The following MIB2 variants were observed in gnomAD, a reference collection of about 807,000 sequenced individuals.
MIB2 encodes E3 ubiquitin-protein ligase MIB2.
In MIB2, 78 loss-of-function variants were observed where a neutral mutation model predicts 96.6. The ratio of observed to expected loss-of-function variants is 0.81; its 90% CI spans 0.67 to 0.97. MIB2 has a LOEUF of 0.97. MIB2 is among the 50% of genes least tolerant of loss of function. The pLI is 0.00. For missense variants in MIB2, 1,543 were observed against 1,424.0 expected (o/e 1.08, Z -1.35); for synonymous variants, 820 against 629.5 (o/e 1.30, Z -4.53).
Position 1,625,853 on chromosome 1 carries a change from G to T in MIB2, c.972+200G>T, listed in dbSNP as rs1644709480. Reference sequence around the variant, plus strand: ...GGGGTTGGGTGTGAAGGAACCCAGAGGAGGGTATGTCTCTGGGAGCTGGAA... The same window carrying T: ...GGGGTTGGGTGTGAAGGAACCCAGATGAGGGTATGTCTCTGGGAGCTGGAA... On this transcript the variant is annotated intron_variant, in intron 8 of 19. Coordinates refer to ENST00000355826, the MANE Select transcript of MIB2 (RefSeq NM_001170687.4). The surrounding 1 kb of genome is among the most constrained non-coding windows in gnomAD (Gnocchi z 5.0). 1.7e-6 allele frequency: 1 copy of T among 592,936 alleles called. No individual in the cohort carries two copies. The highest frequency in any genetic ancestry group is 2.9e-5 in the Admixed American group (1 of 34,050). The allele number at this position is 592,936 out of a possible 1,614,324, so 36.7% of individuals were successfully genotyped here.
intron 16 of MIB2, 110 bp from the exon 17 acceptor site, chr1:1,629,023 T>A: frequency 8.3e-7 from 1 of 1,207,014 alleles, no homozygotes; most frequent in Non-Finnish European, 1.1e-6. Flanking sequence ...TGCCCTTGCC[T>A]TGTATTTTAG....
At position 1,629,180 on chromosome 1, in the gene MIB2, G is replaced by C. The variant is rs765388187; in HGVS notation, c.2250G>C (p.Ala750=). 1.3e-3 allele frequency: 1,918 copies of C among 1,507,602 alleles called. No homozygotes were observed. The highest frequency in any genetic ancestry group is 1.6e-3 in the Non-Finnish European group (1,831 of 1,136,266). 93.4% of individuals were successfully genotyped at this position (1,507,602 alleles called of 1,614,324 possible). Residue 750 remains alanine (A), a synonymous_variant, in exon 17 of 20, where the codon GCG becomes GCC. Transcript: ENST00000355826. ...LPGSAELTVG[A]AVACFLALEG... ...GCAGCGCGGAGCTGACGGTGGGCGCGGCGGTCGCCTGCTTCCTGGCGCTGG... is the reference window on the plus strand; with the variant it reads ...GCAGCGCGGAGCTGACGGTGGGCGCCGCGGTCGCCTGCTTCCTGGCGCTGG...
chr1:1,623,828 G>A lies in MIB2; in HGVS notation c.302G>A (p.Gly101Glu). Residue 101 changes from glycine (G) to glutamate (E), a missense_variant, in exon 4 of 20, where the codon GGG becomes GAG. Gly to Glu is a moderately conservative substitution (Grantham distance 98). Coordinates refer to ENST00000355826, the MANE Select transcript of MIB2 (RefSeq NM_001170687.4). ...CDCCKKHGLR[G>E]MRWKCRVCLD... Reference sequence around the variant, plus strand: ...TGCTGCAAGAAGCACGGGCTGCGGGGGATGCGCTGGAAGTGCCGTGTGTGC... The same window carrying A: ...TGCTGCAAGAAGCACGGGCTGCGGGAGATGCGCTGGAAGTGCCGTGTGTGC... The A allele has an allele frequency of 6.2e-7, 1 of 1,610,506 alleles. No individual in the cohort carries two copies. Among genetic ancestry groups the A allele is most frequent in the Non-Finnish European group, 8.5e-7 (1 of 1,178,960 alleles).
At position 1,625,803 on chromosome 1, in the gene MIB2, AGGTGGGTGGG is replaced by A. The variant is rs1341421151; in HGVS notation, c.972+152_972+161del. On this transcript the variant is annotated intron_variant, in intron 8 of 19. Transcript: ENST00000355826. The surrounding 1 kb of genome is among the most constrained non-coding windows in gnomAD (Gnocchi z 5.0). ...AGGAAGGGGAGGGACTGGTGGGTGG[AGGTGGGTGGG>A]GTCAAGGAGAAGAGGGGGTTGGGTG... The A allele has an allele frequency of 7.6e-6, 5 of 656,912 alleles. No homozygotes were observed. Among genetic ancestry groups the A allele is most frequent in the East Asian group, 5.5e-5 (2 of 36,278 alleles). The allele number at this position is 656,912 out of a possible 1,614,324, so 40.7% of individuals were successfully genotyped here.
Position 1,629,407 on chromosome 1 carries a change from G to A in MIB2, c.2404G>A (p.Ala802Thr), listed in dbSNP as rs1033998774. The change falls in exon 18 of 20, where the codon GCG (alanine) becomes ACG (threonine). Residue 802 changes from alanine (A) to threonine (T), a missense_variant. Coordinates refer to ENST00000355826, the MANE Select transcript of MIB2 (RefSeq NM_001170687.4). ...RFRERQAGGG[A>T]APGPRQTLGT... ...CAGGGAGCGGCAGGCGGGCGGGGGC[G>A]CGGCCCCGGGCCCCAGGCAAACGCT... The A allele has an allele frequency of 6.9e-6, 10 of 1,450,020 alleles. No homozygotes were observed. Among genetic ancestry groups the A allele is most frequent in the East Asian group, 2.8e-5 (1 of 35,572 alleles). 89.8% of individuals were successfully genotyped at this position (1,450,020 alleles called of 1,614,324 possible).
In MIB2 at chr1:1,627,706, T is replaced by C; in HGVS notation, c.1557T>C (p.Ser519=). The C allele has an allele frequency of 6.3e-7, 1 of 1,595,288 alleles. No homozygotes were observed. The highest frequency in any genetic ancestry group is 8.5e-7 in the Non-Finnish European group (1 of 1,178,626). ...NQPEATRVLL[S]AGCRADAINS... ...CCGAGGCCACCAGGGTGCTCCTGAG[T>C]GCTGGGTGCCGGGCGGACGCCATCA... Residue 519 remains serine (S), a synonymous_variant, in exon 13 of 20, where the codon AGT becomes AGC. Coordinates refer to ENST00000355826, the MANE Select transcript of MIB2 (RefSeq NM_001170687.4).
intron 2 of MIB2, among the ~76,000 whole-genome samples, chr1:1,622,306 G>A (rs1181926323): frequency 6.6e-6 from 1 of 152,260 alleles, no homozygotes; most frequent in African/African-American, 2.4e-5. Flanking sequence ...ATCACAGCCA[G>A]CTGTAGCCTC....
At chr1:1,623,315 C>G (rs1311567818) in intron 2 of MIB2, 116 bp from the exon 3 acceptor site, 1 of 1,459,486 alleles carries the variant, frequency 6.9e-7, no homozygotes, top group Non-Finnish European at 9.1e-7. Context: ...CCCGTTGGGC[C>G]TCTCTGCTCT....
chr1:1,622,138 C>T (rs1272537785), intron 2 of MIB2, among the ~76,000 whole-genome samples: 1 of 152,198 alleles, frequency 6.6e-6, no homozygotes, highest in Non-Finnish European at 1.5e-5. Context: ...CACCCAGTCT[C>T]AGGGGTCCCT....
rs768734622 is a variant in MIB2 at position 1,627,124 on chromosome 1, G to A, written c.1291G>A (p.Glu431Lys). The change falls in exon 11 of 20, where the codon GAG (glutamate) becomes AAG (lysine). Residue 431 changes from glutamate (E) to lysine (K), a missense_variant. Glu to Lys is a moderately conservative substitution (Grantham distance 56). Coordinates refer to ENST00000355826, the MANE Select transcript of MIB2 (RefSeq NM_001170687.4). ...GCTTCGGGCCCAGAAGAGTGACCCA[G>A]AGCACCCGGGAAGGCTGGTGGTGGA... is the stretch of plus-strand genomic sequence containing the variant. ...DKLRAQKSDP[E>K]HPGRLVVEVA... 6.3e-7 allele frequency: 1 copy of A among 1,598,684 alleles called. No individual in the cohort carries two copies. Among genetic ancestry groups the A allele is most frequent in the South Asian group, 1.1e-5 (1 of 89,478 alleles).
chr1:1,622,651 C>T (rs184324096), intron 2 of MIB2, among the ~76,000 whole-genome samples: 1 of 152,350 alleles, frequency 6.6e-6, no homozygotes, highest in East Asian at 1.9e-4. Context: ...GACTCAGCCC[C>T]GCTTCAGGAC....
intron 2 of MIB2, 180 bp downstream of exon 2, chr1:1,616,794 G>A: frequency 1.8e-6 from 1 of 555,724 alleles, no homozygotes. Flanking sequence ...AGAAAGCAGA[G>A]GTGCCAGACA....
chr1:1,624,314 G>A lies in MIB2; in HGVS notation c.419+369G>A, dbSNP rs538664292. 6.0e-4 allele frequency: 205 copies of A among 344,208 alleles called. 1 individual carries two copies. Among genetic ancestry groups the A allele is most frequent in the African/African-American group, 4.9e-3 (155 of 31,530 alleles). 21.3% of individuals were successfully genotyped at this position (344,208 alleles called of 1,614,324 possible). On this transcript the variant is annotated intron_variant, in intron 4 of 19. Transcript: ENST00000355826. ...CAAGGACAGCCAGAGGTGCCACCCCGTCCCCTGCATTTGTCACCTTTGTCT... is the reference window on the plus strand; with the variant it reads ...CAAGGACAGCCAGAGGTGCCACCCCATCCCCTGCATTTGTCACCTTTGTCT...
rs758987205 is a variant in MIB2 at position 1,630,570 on chromosome 1, C to G, written c.*40C>G. 3.5e-5 allele frequency: 51 copies of G among 1,436,840 alleles called. No homozygotes were observed. Among genetic ancestry groups the G allele is most frequent in the South Asian group, 1.1e-4 (8 of 75,304 alleles). The allele number at this position is 1,436,840 out of a possible 1,614,324, so 89.0% of individuals were successfully genotyped here. A position where few individuals can be genotyped will look rare whatever the true frequency, so the allele number is the denominator to read the frequency against. ...CGCGCCCGAGCTGCCTTCGCGTGCCCCCGCCCTGTGTTTTATAAAAAGAAA... is the reference window on the plus strand; with the variant it reads ...CGCGCCCGAGCTGCCTTCGCGTGCCGCCGCCCTGTGTTTTATAAAAAGAAA... On this transcript the variant is annotated 3_prime_UTR_variant, in exon 20 of 20. Coordinates refer to ENST00000355826, the MANE Select transcript of MIB2 (RefSeq NM_001170687.4).
chr1:1,629,651 G>A lies in MIB2; in HGVS notation c.2576G>A (p.Arg859Lys). 6.3e-7 allele frequency: 1 copy of A among 1,597,976 alleles called. No individual in the cohort carries two copies. Among genetic ancestry groups the A allele is most frequent in the Non-Finnish European group, 8.5e-7 (1 of 1,172,356 alleles). The change falls in exon 19 of 20, where the codon AGG becomes AAG. Residue 859 changes from arginine to lysine, a missense_variant. Coordinates refer to ENST00000355826, the MANE Select transcript of MIB2 (RefSeq NM_001170687.4). Reference protein sequence around the residue: ...HRTVCEECARRMKKCIRCQVV... With the variant: ...HRTVCEECARKMKKCIRCQVV... The stretch of plus-strand genomic sequence containing the variant: ...CTCCTCTTCGCAGAGTGCGCGCGCA[G>A]GATGAAGAAGTGCATCAGGTGCCAG...
intron 5 of MIB2, 41 bp from the exon 6 acceptor site, chr1:1,624,950 A>T: frequency 6.2e-7 from 1 of 1,606,624 alleles, no homozygotes; most frequent in South Asian, 1.1e-5. Context: ...TGGCTGGCTC[A>T]TGGCTCAGCC....
At chr1:1,627,515 CGG>C in intron 12 of MIB2, 71 bp downstream of exon 12, 1 of 755,160 alleles carries the variant, frequency 1.3e-6, no homozygotes, top group East Asian at 2.9e-5. Context: ...GGGAGGGGCC[CGG>C]CCGGCGGGGC....
At position 1,630,334 on chromosome 1, in the gene MIB2, CGCGCCAGCT is replaced by C; in HGVS notation, c.2674_2682del (p.Arg892_Leu894del). On this transcript the variant is annotated inframe_deletion, in exon 20 of 20. Transcript: ENST00000355826. ...AGCGCCGCCCCCGCCCCCGGCCCGC[CGCGCCAGCT>C]GGTGGAGGAGCTGCAGAGCCGCTAC... 1 of 1,535,178 alleles carries C rather than the reference CGCGCCAGCT, an allele frequency of 6.5e-7. No homozygotes were observed. The highest frequency in any genetic ancestry group is 8.7e-7 in the Non-Finnish European group (1 of 1,143,838).
In MIB2 at chr1:1,630,414, C is replaced by T. The variant is rs1314620092; in HGVS notation, c.2752C>T (p.His918Tyr). The change falls in exon 20 of 20, where the codon CAC becomes TAC. Residue 918 changes from histidine to tyrosine, a missense_variant. His to Tyr is a moderately conservative substitution (Grantham distance 83). Coordinates refer to ENST00000355826, the MANE Select transcript of MIB2 (RefSeq NM_001170687.4). ...RITCPICIDS[H>Y]IRLVFQCGHG... is the part of the protein sequence containing the mutation. ...CACCTGCCCCATCTGCATCGACAGC[C>T]ACATCCGCCTCGTGTTCCAGTGCGG... 5.3e-5 allele frequency: 84 copies of T among 1,581,526 alleles called. No individual in the cohort carries two copies. The highest frequency in any genetic ancestry group is 6.9e-5 in the Non-Finnish European group (81 of 1,165,676).
Sources: gnomAD v4.1 joint callset for allele counts (sites outside exome capture counted in the v4.1 genomes callset) on GRCh38, gnomAD v4.1.1 for gene constraint, Gnocchi (gnomAD v3.1) non-coding constraint, MANE v1.5 for transcripts, NCBI Gene and HGNC (gene_info 2026-07-23, HGNC 2026-07-21) for gene names.